The following TES variants were observed in gnomAD, a reference collection of about 807,000 sequenced individuals.
TES encodes the protein testin.
Under a neutral mutation model 48.2 loss-of-function variants are expected in TES, and 41 were observed. That is an observed-to-expected ratio of 0.85 (90% CI 0.66 to 1.10). The LOEUF is 1.10. TES is among the 50% of genes least tolerant of loss of function. The pLI is 0.00. For synonymous variants in TES, 162 were observed against 174.9 expected (o/e 0.93, Z 0.58); for missense variants, 463 against 515.1 (o/e 0.90, Z 0.98).
chr7:116,217,815 C>T (rs1311177288), intron 1 of TES: 8 of 518,160 alleles, frequency 1.5e-5, no homozygotes, highest in Non-Finnish European at 3.1e-5. Context: ...ATCTTTGACT[C>T]TCCTACAAAA....
At chr7:116,248,860 C>T (rs957432847) in intron 2 of TES, among the ~76,000 whole-genome samples, 160 bp from the exon 3 acceptor site, 48 of 152,146 alleles carry the variant, frequency 3.2e-4, no homozygotes, top group African/African-American at 1.1e-3. Flanking sequence ...TTCCTTCTTG[C>T]TTAAATATAT....
intron 1 of TES, among the ~76,000 whole-genome samples, chr7:116,230,711 G>A (rs1425447383): frequency 6.6e-6 from 1 of 152,128 alleles, no homozygotes; most frequent in Admixed American, 6.6e-5. Context: ...AAATGAAAAG[G>A]AAAACAAAAC....
chr7:116,240,824 A>G (rs1264438114), intron 2 of TES, among the ~76,000 whole-genome samples: 1 of 152,104 alleles, frequency 6.6e-6, no homozygotes, highest in African/African-American at 2.4e-5. Flanking sequence ...ATACTCTCTT[A>G]AAACTATCAA....
At chr7:116,227,589 G>T (rs1721064692) in intron 1 of TES, among the ~76,000 whole-genome samples, 1 of 152,082 alleles carries the variant, frequency 6.6e-6, no homozygotes, top group Non-Finnish European at 1.5e-5. Context: ...TTGCTAAGAG[G>T]AATTATTTAG....
chr7:116,213,790 T>C (rs1339287468), intron 1 of TES, among the ~76,000 whole-genome samples: 1 of 151,838 alleles, frequency 6.6e-6, no homozygotes, highest in Non-Finnish European at 1.5e-5. Context: ...GTTACACATC[T>C]AGACCTCTTT....
chr7:116,216,520 C>T (rs971990275), intron 1 of TES, among the ~76,000 whole-genome samples: 2 of 151,836 alleles, frequency 1.3e-5, no homozygotes, highest in Non-Finnish European at 2.9e-5. Flanking sequence ...ACTCTTTGAT[C>T]GTGGGAAATA....
intron 1 of TES, among the ~76,000 whole-genome samples, chr7:116,217,309 T>C (rs557426083): frequency 3.3e-5 from 5 of 152,178 alleles, no homozygotes; most frequent in Non-Finnish European, 7.4e-5. Context: ...AGCTTTTATG[T>C]ATTAGAATGT....
At chr7:116,257,209 C>A in intron 6 of TES, 85 bp from the exon 7 acceptor site, 1 of 1,362,666 alleles carries the variant, frequency 7.3e-7, no homozygotes, top group Non-Finnish European at 9.9e-7. Flanking sequence ...TTTAATTTAT[C>A]ATCTAAAGAA....
chr7:116,252,697 A>G (rs1398762592), intron 6 of TES: 3 of 591,412 alleles, frequency 5.1e-6, no homozygotes, highest in African/African-American at 1.9e-5. Context: ...TACAATATCA[A>G]TTATAGGTAC....
intron 2 of TES, among the ~76,000 whole-genome samples, chr7:116,237,154 C>T (rs1212342203): frequency 6.6e-6 from 1 of 152,184 alleles, no homozygotes; most frequent in Non-Finnish European, 1.5e-5. Context: ...GGCCACAGAA[C>T]TTATGTGGGT....
intron 2 of TES, chr7:116,238,271 A>G (rs1420296419): frequency 6.6e-6 from 1 of 152,202 alleles, no homozygotes; most frequent in Non-Finnish European, 1.5e-5. Flanking sequence ...GGCATGGAGA[A>G]TGAATCTGGA....
At chr7:116,223,355 T>G (rs915526391) in intron 1 of TES, among the ~76,000 whole-genome samples, 1 of 152,202 alleles carries the variant, frequency 6.6e-6, no homozygotes, top group Admixed American at 6.5e-5. Flanking sequence ...ATTTATTTTC[T>G]TTTACTTAAT....
At chr7:116,239,313 A>G (rs1799813532) in intron 2 of TES, 1 of 152,188 alleles carries the variant, frequency 6.6e-6, no homozygotes, top group African/African-American at 2.4e-5. Flanking sequence ...GCACGCCTGG[A>G]AAATCTCCCA....
At chr7:116,245,065 G>A (rs1799903124) in intron 2 of TES, among the ~76,000 whole-genome samples, 1 of 152,204 alleles carries the variant, frequency 6.6e-6, no homozygotes, top group Non-Finnish European at 1.5e-5. Context: ...CTCCAGGCCT[G>A]TGATGGGAGG....
intron 2 of TES, 96 bp downstream of exon 2, chr7:116,234,715 G>A: frequency 2.0e-6 from 2 of 987,346 alleles, no homozygotes; most frequent in Non-Finnish European, 1.6e-6. Flanking sequence ...CAGCATGGTT[G>A]CTAAGTTGCA....
At chr7:116,224,978 A>C (rs897397612) in intron 1 of TES, among the ~76,000 whole-genome samples, 1 of 152,084 alleles carries the variant, frequency 6.6e-6, no homozygotes, top group Non-Finnish European at 1.5e-5. Flanking sequence ...AGGCAAGTTA[A>C]TTTCTCCAAG....
At chr7:116,216,536 A>G (rs1799496352) in intron 1 of TES, among the ~76,000 whole-genome samples, 1 of 151,790 alleles carries the variant, frequency 6.6e-6, no homozygotes, top group African/African-American at 2.4e-5. Flanking sequence ...AAATAATATC[A>G]GTAGTCTACC....
chr7:116,250,635 A>G (rs1284390989), intron 4 of TES, 139 bp downstream of exon 4: 2 of 671,506 alleles, frequency 3.0e-6, no homozygotes, highest in Non-Finnish European at 2.2e-6. Flanking sequence ...ATTTAGATTC[A>G]GTTTAGACTT....
At chr7:116,218,742 T>C (rs1227780393) in intron 1 of TES, among the ~76,000 whole-genome samples, 3 of 152,120 alleles carry the variant, frequency 2.0e-5, no homozygotes, top group Non-Finnish European at 2.9e-5. Flanking sequence ...AAAACAGATG[T>C]GTAAGTTAAC....
Sources: allele counts gnomAD v4.1 joint callset (sites outside exome capture counted in the v4.1 genomes callset), GRCh38; gene constraint gnomAD v4.1.1; transcripts MANE v1.5; gene names NCBI Gene and HGNC (gene_info 2026-07-23, HGNC 2026-07-21).